Variants in SLC1A4 observed in about 807,000 individuals in gnomAD.
SLC1A4 encodes the protein neutral amino acid transporter A.
A neutral mutation model predicts 37.7 loss-of-function variants in SLC1A4; 19 were observed. The ratio of observed to expected loss-of-function variants is 0.50; its 90% CI spans 0.35 to 0.74. SLC1A4 has a LOEUF of 0.74. SLC1A4 is among the 30% of genes least tolerant of loss of function. SLC1A4 has a pLI of 0.01. For missense variants in SLC1A4, 570 were observed against 712.9 expected (o/e 0.80, Z 2.28); for synonymous variants, 299 against 309.8 (o/e 0.97, Z 0.37).
In SLC1A4 at chr2:65,021,458, C is replaced by A; in HGVS notation, c.*312C>A. The A allele has an allele frequency of 2.7e-6, 1 of 368,712 alleles. No homozygotes were observed. Among genetic ancestry groups the A allele is most frequent in the Admixed American group, 4.3e-5 (1 of 23,272 alleles). 22.8% of individuals were successfully genotyped at this position (368,712 alleles called of 1,614,324 possible). A position where few individuals can be genotyped will look rare whatever the true frequency, so the allele number is the denominator to read the frequency against. Reference sequence around the variant, plus strand: ...CAAGAAATCATGGACTCACAGGGTCCTGTGTGGTTACATCTTGGAAAAAAT... The same window carrying A: ...CAAGAAATCATGGACTCACAGGGTCATGTGTGGTTACATCTTGGAAAAAAT... On this transcript the variant is annotated 3_prime_UTR_variant, in exon 8 of 8. Transcript: ENST00000234256.
In SLC1A4 at chr2:65,023,059, G is replaced by C. The variant is rs1411908080; in HGVS notation, c.*1913G>C. ...TTGACCCAGCCAGGGGGAAAGCCCA[G>C]CTCTCTTTAAACCAGCTAAGCCATT... On this transcript the variant is annotated 3_prime_UTR_variant, in exon 8 of 8. Coordinates refer to ENST00000234256, the MANE Select transcript of SLC1A4 (RefSeq NM_003038.5). The C allele has an allele frequency of 6.6e-6, 1 of 152,224 alleles. No homozygotes were observed. Among genetic ancestry groups the C allele is most frequent in the East Asian group, 1.9e-4 (1 of 5,202 alleles). 9.4% of individuals were successfully genotyped at this position (152,224 alleles called of 1,614,324 possible).
intron 4 of SLC1A4, among the ~76,000 whole-genome samples, 179 bp from the exon 5 acceptor site, chr2:65,016,261 G>A (rs1250278071): frequency 1.3e-5 from 2 of 152,142 alleles, no homozygotes; most frequent in Non-Finnish European, 2.9e-5. Context: ...ATTTTACCCA[G>A]TCTCACAGGC....
At chr2:65,013,316 A>T (rs1343336495) in intron 4 of SLC1A4, among the ~76,000 whole-genome samples, 1 of 152,204 alleles carries the variant, frequency 6.6e-6, no homozygotes, top group African/African-American at 2.4e-5. Context: ...TCCGCCTCCC[A>T]GGTTCAAGCG....
At position 65,021,127 on chromosome 2, in the gene SLC1A4, C is replaced by G. The variant is rs1234569489; in HGVS notation, c.1580C>G (p.Ser527Cys). The G allele has an allele frequency of 1.9e-6, 3 of 1,614,100 alleles. No individual in the cohort carries two copies. The highest frequency in any genetic ancestry group is 2.5e-6 in the Non-Finnish European group (3 of 1,179,906). ...GPVASAPELESKESVL is the reference protein window; with the variant it reads ...GPVASAPELECKESVL ...GTGGCCAGTGCCCCAGAACTGGAAT[C>G]CAAGGAGTCGGTTCTGTGATGGGGC... Residue 527 changes from serine (S) to cysteine (C), a missense_variant, in exon 8 of 8, where the codon TCC becomes TGC. Physicochemically the swap from Ser to Cys is moderately radical, Grantham distance 112. Coordinates refer to ENST00000234256, the MANE Select transcript of SLC1A4 (RefSeq NM_003038.5).
At chr2:64,998,295 C>G (rs138760093) in intron 1 of SLC1A4, among the ~76,000 whole-genome samples, 2,865 of 151,584 alleles carry the variant, frequency 0.019, 102 homozygotes, top group South Asian at 0.12. Context: ...GTGGTGCACA[C>G]CTGTAGTCCC....
At chr2:65,019,135 GC>G (rs1187043434) in intron 7 of SLC1A4, among the ~76,000 whole-genome samples, 2 of 152,332 alleles carry the variant, frequency 1.3e-5, no homozygotes, top group East Asian at 3.9e-4. Context: ...CTTGGGCTCA[GC>G]AGAGGAGGAG....
chr2:64,991,062 A>T (rs538846717), intron 1 of SLC1A4, among the ~76,000 whole-genome samples: 1 of 152,304 alleles, frequency 6.6e-6, no homozygotes, highest in Non-Finnish European at 1.5e-5. Context: ...TTGAGTGAGG[A>T]GTCCAGCTGG....
rs1417093951 is a variant in SLC1A4 at position 65,018,935 on chromosome 2, G to C, written c.1364+256G>C. Among the ~76,000 whole-genome samples, 1 of 152,232 alleles carries C rather than the reference G, an allele frequency of 6.6e-6. No homozygotes were observed. Among genetic ancestry groups the C allele is most frequent in the East Asian group, 1.9e-4 (1 of 5,198 alleles). On this transcript the variant is annotated intron_variant, in intron 7 of 7. Transcript: ENST00000234256. This position sits in a 1 kb window ranked among gnomAD's most constrained non-coding sequence, Gnocchi z 4.3. ...TTGCTTATAGCATCCAGTAAAGCAG[G>C]GGTCCACAGCTGAGGCCCTCAGCGC...
intron 3 of SLC1A4, among the ~76,000 whole-genome samples, chr2:65,006,234 G>A (rs2103655709): frequency 6.6e-6 from 1 of 151,778 alleles, no homozygotes; most frequent in Non-Finnish European, 1.5e-5. Flanking sequence ...GTTCACACCT[G>A]TAATCCCAGC....
In SLC1A4 at chr2:64,990,050, C is replaced by T. The variant is rs1572938044; in HGVS notation, c.407C>T (p.Ala136Val). ...GCCTCGGCGCTCGCCGTGGCCTTGG[C>T]GTTCATCATCAAGCCAGGATCCGGT... ...LSASALAVALAFIIKPGSGAQ... is the reference protein window; with the variant it reads ...LSASALAVALVFIIKPGSGAQ... The change falls in exon 1 of 8, where the codon GCG (alanine) becomes GTG (valine). Residue 136 changes from alanine (A) to valine (V), a missense_variant. Ala to Val is a moderately conservative substitution (Grantham distance 64). Transcript: ENST00000234256. The T allele has an allele frequency of 6.2e-7, 1 of 1,606,934 alleles. No individual in the cohort carries two copies. Among genetic ancestry groups the T allele is most frequent in the Non-Finnish European group, 8.5e-7 (1 of 1,176,882 alleles).
rs542139169 is a variant in SLC1A4 at position 65,008,441 on chromosome 2, C to A, written c.634-2156C>A. 5.5e-4 allele frequency among the ~76,000 whole-genome samples: 83 copies of A among 152,160 alleles called. No individual in the cohort carries two copies. In the Middle Eastern group the frequency reaches 0.01, roughly 19 times the overall value. The stretch of plus-strand genomic sequence containing the variant: ...TCACTTAAGCCCAGGAGTTTGAGAC[C>A]GGTTTGGGCAATTTAGGGAGATCCC... On this transcript the variant is annotated intron_variant, in intron 3 of 7. Coordinates refer to ENST00000234256, the MANE Select transcript of SLC1A4 (RefSeq NM_003038.5).
At chr2:65,015,822 A>G (rs1674103306) in intron 4 of SLC1A4, among the ~76,000 whole-genome samples, 1 of 152,228 alleles carries the variant, frequency 6.6e-6, no homozygotes, top group Admixed American at 6.5e-5. Flanking sequence ...TATTAATTCA[A>G]AACAACTGAC....
chr2:65,023,684 G>A lies in SLC1A4; in HGVS notation c.*2538G>A, dbSNP rs998318882. The A allele has an allele frequency of 6.6e-6, 1 of 152,576 alleles. No individual in the cohort carries two copies. Among genetic ancestry groups the A allele is most frequent in the African/African-American group, 2.4e-5 (1 of 41,432 alleles). The allele number at this position is 152,576 out of a possible 1,614,324, so 9.5% of individuals were successfully genotyped here. ...TCAGTCCACAGAGTCGGTAGACCAGGGGTTACGTGACTGGGGAAAATCTCA... is the reference window on the plus strand; with the variant it reads ...TCAGTCCACAGAGTCGGTAGACCAGAGGTTACGTGACTGGGGAAAATCTCA... On this transcript the variant is annotated 3_prime_UTR_variant, in exon 8 of 8. Transcript: ENST00000234256.
At chr2:64,991,352 G>C (rs1029592437) in intron 1 of SLC1A4, among the ~76,000 whole-genome samples, 9 of 150,758 alleles carry the variant, frequency 6.0e-5, no homozygotes, top group Non-Finnish European at 1.3e-4. Flanking sequence ...CCACTCATGA[G>C]GGAGACCAAA....
rs1171525335 is a variant in SLC1A4, at chr2:65,021,503, C to T, written c.*357C>T. ...AAAAATGCAGATGTATTTCACTCTC[C>T]CCGGTCAGCTCTGCATCAGGTGTTT... On this transcript the variant is annotated 3_prime_UTR_variant, in exon 8 of 8. Transcript: ENST00000234256. The T allele has an allele frequency of 8.0e-6, 2 of 249,768 alleles. No individual in the cohort carries two copies. Among genetic ancestry groups the T allele is most frequent in the Non-Finnish European group, 7.8e-6 (1 of 128,810 alleles). 15.5% of individuals were successfully genotyped at this position (249,768 alleles called of 1,614,324 possible). A position where few individuals can be genotyped will look rare whatever the true frequency, so the allele number is the denominator to read the frequency against.
chr2:64,991,934 G>T (rs1038435879), intron 1 of SLC1A4, among the ~76,000 whole-genome samples: 1 of 152,102 alleles, frequency 6.6e-6, no homozygotes, highest in South Asian at 2.1e-4. Context: ...TTAGAGATGG[G>T]GTTTCACTAT....
Position 64,989,529 on chromosome 2 carries a change from G to A in SLC1A4, c.-115G>A. 2.1e-6 allele frequency: 2 copies of A among 969,470 alleles called. No individual in the cohort carries two copies. Among genetic ancestry groups the A allele is most frequent in the Non-Finnish European group, 2.8e-6 (2 of 723,322 alleles). 60.1% of individuals were successfully genotyped at this position (969,470 alleles called of 1,614,324 possible). On this transcript the variant is annotated 5_prime_UTR_variant, in exon 1 of 8. Transcript: ENST00000234256. ...CGCCAGGCCCGGAGACCCCCGGGGC[G>A]GCTTCCCAGAACCTGCGGAGCACAA...
In SLC1A4 at chr2:65,021,254, G is replaced by A. The variant is rs1674410149; in HGVS notation, c.*108G>A. 1 of 862,772 alleles carries A rather than the reference G, an allele frequency of 1.2e-6. No individual in the cohort carries two copies. The highest frequency in any genetic ancestry group is 1.8e-6 in the Non-Finnish European group (1 of 551,798). 53.4% of individuals were successfully genotyped at this position (862,772 alleles called of 1,614,324 possible). A position where few individuals can be genotyped will look rare whatever the true frequency, so the allele number is the denominator to read the frequency against. ...CCCTTGCCAACTTTTACCCTCCCAA[G>A]CAATGCTTTGGCCCAGTCGCTGGCC... On this transcript the variant is annotated 3_prime_UTR_variant, in exon 8 of 8. Transcript: ENST00000234256.
rs1672958897 is a variant in SLC1A4, at chr2:64,989,568, C to A, written c.-76C>A. ...TGCGGAGCACAACTGGCCGACCGAC[C>A]CATTCATTGGGAACCCCGTCTTTTG... On this transcript the variant is annotated 5_prime_UTR_variant, in exon 1 of 8. Transcript: ENST00000234256. The A allele has an allele frequency of 2.3e-6, 3 of 1,307,004 alleles. No individual in the cohort carries two copies. In the South Asian group the frequency reaches 5.8e-5, roughly 25 times the overall value. 81.0% of individuals were successfully genotyped at this position (1,307,004 alleles called of 1,614,324 possible).
Sources: allele counts gnomAD v4.1 joint callset (sites outside exome capture counted in the v4.1 genomes callset), GRCh38; gene constraint gnomAD v4.1.1; non-coding constraint Gnocchi (gnomAD v3.1); transcripts MANE v1.5; gene names NCBI Gene and HGNC (gene_info 2026-07-23, HGNC 2026-07-21).